DNAJA3: variants seen among roughly 807,000 people sequenced by gnomAD.
The protein encoded by DNAJA3 is DnaJ heat shock protein family (Hsp40) member A3, also known as dnaJ homolog subfamily A member 3, mitochondrial.
DNAJA3 carries 29 observed loss-of-function variants against 54.9 expected under a neutral mutation model. That is an observed-to-expected ratio of 0.53 (90% CI 0.39 to 0.72). The LOEUF (loss-of-function observed/expected upper bound fraction) is 0.72, where lower values mean the gene tolerates loss of function less well. Ranked by LOEUF, DNAJA3 falls within the 30% of genes least tolerant of loss-of-function variation. The probability of loss-of-function intolerance (pLI) is 0.00; values close to 1 mark genes in which losing one functional copy is unlikely to be tolerated. For missense variants in DNAJA3, 708 were observed against 639.4 expected, an observed-to-expected ratio of 1.11 and a Z score of -1.16; for synonymous variants, 302 against 251.4, an observed-to-expected ratio of 1.20 and a Z score of -1.90.
intron 2 of DNAJA3, among the ~76,000 whole-genome samples, chr16:4,435,831 G>T (rs1257154496): frequency 1.3e-5 from 2 of 152,142 alleles, no homozygotes; most frequent in African/African-American, 4.8e-5. Context: ...CAGTTCTCTT[G>T]GATATTTAGG....
intron 7 of DNAJA3, 31 bp from the exon 8 acceptor site, chr16:4,446,855 C>G (rs1304010790): frequency 6.2e-7 from 1 of 1,612,148 alleles, no homozygotes; most frequent in Non-Finnish European, 8.5e-7. Context: ...GTGGACTTAT[C>G]TTCACATGCA....
chr16:4,450,163 A>G (rs975120923), intron 9 of DNAJA3: 1 of 467,848 alleles, frequency 2.1e-6, no homozygotes. Context: ...TGTATTTAGC[A>G]TAGCCACAGT....
intron 1 of DNAJA3, chr16:4,426,759 C>T (rs1004598091): frequency 2.1e-4 from 32 of 152,338 alleles, no homozygotes; most frequent in African/African-American, 7.7e-4. Context: ...CACATTTCCA[C>T]ATGATAGGCA....
Position 4,426,034 on chromosome 16 carries a change from C to G in DNAJA3, c.153C>G (p.Ser51=). ...TGAGCGTCCCCGCCTTTGCGTCTTCCCTGACCTCTTGCGGCCCCCGAGCGC... is the reference window on the plus strand; with the variant it reads ...TGAGCGTCCCCGCCTTTGCGTCTTCGCTGACCTCTTGCGGCCCCCGAGCGC... ...RKLSVPAFAS[S]LTSCGPRALL... The change falls in exon 1 of 12, where the codon TCC becomes TCG. Residue 51 remains serine, a synonymous_variant. Transcript: ENST00000262375. 6.2e-7 allele frequency: 1 copy of G among 1,606,964 alleles called. No individual in the cohort carries two copies. Among genetic ancestry groups the G allele is most frequent in the African/African-American group, 1.4e-5 (1 of 74,050 alleles).
intron 3 of DNAJA3, chr16:4,441,110 A>G: frequency 3.7e-6 from 2 of 536,702 alleles, no homozygotes; most frequent in Non-Finnish European, 3.3e-6. Flanking sequence ...GCGAGGATCA[A>G]CACAAACATT....
At position 4,425,891 on chromosome 16, in the gene DNAJA3, C is replaced by T. The variant is rs770589646; in HGVS notation, c.10C>T (p.Arg4Trp). Residue 4 changes from arginine to tryptophan, a missense_variant, in exon 1 of 12, where the codon CGG (arginine) becomes TGG (tryptophan). Physicochemically the swap from Arg to Trp is moderately radical, Grantham distance 101 (BLOSUM62 -3). Transcript: ENST00000262375. MAA[R>W]CSTRWLLVVV... is the part of the protein sequence containing the mutation. ...GAGTCCCCGGGCCAAGATGGCTGCG[C>T]GGTGCTCCACACGCTGGTTGCTGGT... The T allele has an allele frequency of 1.1e-5, 17 of 1,536,078 alleles. No individual in the cohort carries two copies. In the African/African-American group the frequency reaches 1.4e-4, roughly 13 times the overall value.
intron 5 of DNAJA3, 59 bp downstream of exon 5, chr16:4,442,479 G>T: frequency 6.7e-7 from 1 of 1,502,962 alleles, no homozygotes; most frequent in Non-Finnish European, 8.9e-7. Context: ...GAGAAGAGCT[G>T]GTTGTGGCAC....
At chr16:4,432,221 CTG>C (rs1381543454) in intron 1 of DNAJA3, among the ~76,000 whole-genome samples, 4 of 150,904 alleles carry the variant, frequency 2.7e-5, no homozygotes, top group African/African-American at 2.4e-5. Context: ...GACAGGGTCT[CTG>C]TGTTGCCCAG....
chr16:4,436,201 C>T (rs1328852199), intron 2 of DNAJA3, among the ~76,000 whole-genome samples: 1 of 151,744 alleles, frequency 6.6e-6, no homozygotes, highest in Non-Finnish European at 1.5e-5. Flanking sequence ...ATGGAATGAA[C>T]AGAGGCATGG....
rs1323761731 is a variant in DNAJA3, at chr16:4,432,092, T to G, written c.212-2292T>G. On this transcript the variant is annotated intron_variant, in intron 1 of 11. Transcript: ENST00000262375. ...ATAAATCTGTATGGATTCAAAGTCC[T>G]CTTTAGCCTATTTCTGTCTCTCTCT... Among the ~76,000 whole-genome samples, 5 of 151,438 alleles carry G rather than the reference T, an allele frequency of 3.3e-5. No individual in the cohort carries two copies. In the Admixed American group the frequency reaches 3.3e-4, roughly 10 times the overall value.
intron 1 of DNAJA3, among the ~76,000 whole-genome samples, chr16:4,427,578 G>C (rs1366284030): frequency 6.6e-6 from 1 of 152,184 alleles, no homozygotes; most frequent in African/African-American, 2.4e-5. Flanking sequence ...GGTGTTAATT[G>C]AGGCCAATTG....
At chr16:4,455,390 T>C in intron 11 of DNAJA3, 156 bp from the exon 12 acceptor site, 1 of 797,756 alleles carries the variant, frequency 1.3e-6, no homozygotes. Flanking sequence ...CGTGTCATCT[T>C]GGGACCCACT....
Position 4,441,216 on chromosome 16 carries a change from C to T in DNAJA3, c.430-159C>T, listed in dbSNP as rs552624355. On this transcript the variant is annotated intron_variant, in intron 3 of 11. Coordinates refer to ENST00000262375, the MANE Select transcript of DNAJA3 (RefSeq NM_005147.6). ...TCAGTTTGGTCATCTCATCCCTCTT[C>T]TAGGTGCTAGTCACAGGCCCACCCC... is the stretch of plus-strand genomic sequence containing the variant. 203 of 634,780 alleles carry T rather than the reference C, an allele frequency of 3.2e-4. 3 individuals are homozygous for T. In the South Asian group the frequency reaches 4.0e-3, roughly 12 times the overall value. 39.3% of individuals were successfully genotyped at this position (634,780 alleles called of 1,614,324 possible).
intron 10 of DNAJA3, among the ~76,000 whole-genome samples, chr16:4,452,740 C>T (rs957298133): frequency 1.3e-5 from 2 of 152,164 alleles, no homozygotes; most frequent in Non-Finnish European, 2.9e-5. Flanking sequence ...GAGACTCTGT[C>T]TCTACAAAAA....
At chr16:4,447,154 T>C in intron 8 of DNAJA3, 140 bp downstream of exon 8, 1 of 982,768 alleles carries the variant, frequency 1.0e-6, no homozygotes. Flanking sequence ...CATGAGGAAT[T>C]TTAGGCTGCT....
At chr16:4,437,584 C>A in intron 3 of DNAJA3, 99 bp downstream of exon 3, 1 of 929,636 alleles carries the variant, frequency 1.1e-6, no homozygotes, top group Non-Finnish European at 1.7e-6. Context: ...TCATACAGTC[C>A]AGTGTGAAGG....
intron 1 of DNAJA3, among the ~76,000 whole-genome samples, chr16:4,426,545 C>T (rs1055555236): frequency 2.0e-5 from 3 of 152,198 alleles, no homozygotes; most frequent in African/African-American, 7.2e-5. Context: ...ATCGACCAGC[C>T]CAAGGTCATG....
At chr16:4,444,860 G>C in intron 7 of DNAJA3, 132 bp downstream of exon 7, 1 of 770,192 alleles carries the variant, frequency 1.3e-6, no homozygotes, top group East Asian at 2.9e-5. Context: ...GGGGCACAGT[G>C]GCCACCTAGA....
In DNAJA3 at chr16:4,442,401, A is replaced by C; in HGVS notation, c.764A>C (p.Tyr255Ser). 1 of 1,604,060 alleles carries C rather than the reference A, an allele frequency of 6.2e-7. No individual in the cohort carries two copies. The highest frequency in any genetic ancestry group is 8.5e-7 in the Non-Finnish European group (1 of 1,174,652). The change falls in exon 5 of 12, where the codon TAC becomes TCC. Residue 255 changes from tyrosine to serine, a missense_variant. Tyr to Ser is a moderately radical substitution (Grantham distance 144). Transcript: ENST00000262375. ...GGCACCAAGGTGCAGCATTGCCACT[A>C]CTGTGGCGGCTCCGGCATGGTAAGG... ...EPGTKVQHCH[Y>S]CGGSGMETIN...
Sources: gnomAD v4.1 joint callset for allele counts (sites outside exome capture counted in the v4.1 genomes callset) on GRCh38, gnomAD v4.1.1 for gene constraint, MANE v1.5 for transcripts, NCBI Gene and HGNC (gene_info 2026-07-23, HGNC 2026-07-21) for gene names.